MPDZ: variants seen among roughly 807,000 people sequenced by gnomAD.
The protein encoded by MPDZ is multiple PDZ domain protein.
MPDZ carries 234 observed loss-of-function variants against 239.1 expected under a neutral mutation model. That is an observed-to-expected ratio of 0.98 (90% CI 0.88 to 1.09). The LOEUF is 1.09. MPDZ is among the 50% of genes least tolerant of loss of function. The probability of loss-of-function intolerance (pLI) is 0.00; values close to 1 mark genes in which losing one functional copy is unlikely to be tolerated. For synonymous variants in MPDZ, 1,048 were observed against 881.3 expected, an observed-to-expected ratio of 1.19 and a Z score of -3.35; for missense variants, 3,175 against 2,510.0, an observed-to-expected ratio of 1.26 and a Z score of -5.66.
intron 12 of MPDZ, among the ~76,000 whole-genome samples, chr9:13,200,373 C>T (rs1956235723): frequency 6.6e-6 from 1 of 151,868 alleles, no homozygotes; most frequent in Non-Finnish European, 1.5e-5. Context: ...TTTCATTTAC[C>T]TTTACAAAAC....
chr9:13,123,296 TATCTA>T lies in MPDZ; in HGVS notation c.4808-3_4809del. 6.2e-7 allele frequency: 1 copy of T among 1,601,158 alleles called. No homozygotes were observed. Among genetic ancestry groups the T allele is most frequent in the South Asian group, 1.1e-5 (1 of 88,954 alleles). On this transcript the variant is annotated splice_acceptor_variant and splice_polypyrimidine_tract_variant and coding_sequence_variant and intron_variant, in exon 36 of 47. Coordinates refer to ENST00000319217, the MANE Select transcript of MPDZ (RefSeq NM_001378778.1). LOFTEE classifies it high-confidence loss of function. The stretch of plus-strand genomic sequence containing the variant: ...ATTGCTGGTGTTGATGATCTGCTTG[TATCTA>T]AAAATAAGTTAAAAATGAAATACAA...
intron 18 of MPDZ, among the ~76,000 whole-genome samples, chr9:13,184,981 T>C (rs1953896382): frequency 6.6e-6 from 1 of 152,136 alleles, no homozygotes; most frequent in South Asian, 2.1e-4. Context: ...GGAAGCCATG[T>C]AAAGGCTAGA....
intron 10 of MPDZ, among the ~76,000 whole-genome samples, chr9:13,213,856 G>T (rs530203653): frequency 1.3e-5 from 2 of 152,106 alleles, no homozygotes; most frequent in African/African-American, 4.8e-5. Flanking sequence ...CTCTTTCAAT[G>T]ATAGCCCTCA....
chr9:13,157,995 C>G (rs1032107555), intron 24 of MPDZ, 23 bp downstream of exon 24: 1 of 1,596,672 alleles, frequency 6.3e-7, no homozygotes, highest in Non-Finnish European at 8.6e-7. Context: ...ATTGGGTGGA[C>G]AGAAGACAGA....
intron 26 of MPDZ, among the ~76,000 whole-genome samples, chr9:13,146,778 A>C (rs898145992): frequency 2.6e-5 from 4 of 152,084 alleles, no homozygotes; most frequent in Non-Finnish European, 4.4e-5. Context: ...ATAAAGAAGG[A>C]GTTGAAAAAA....
At chr9:13,241,465 C>T (rs1965390538) in intron 3 of MPDZ, among the ~76,000 whole-genome samples, 1 of 152,192 alleles carries the variant, frequency 6.6e-6, no homozygotes, top group Admixed American at 6.5e-5. Context: ...CAAGTCATAA[C>T]TTAACCTAGA....
intron 1 of MPDZ, among the ~76,000 whole-genome samples, chr9:13,259,214 A>G (rs1377371984): frequency 2.7e-5 from 4 of 149,972 alleles, no homozygotes; most frequent in African/African-American, 9.8e-5. Context: ...TGGATACATT[A>G]GGCTTCCTAA....
At chr9:13,214,444 G>C (rs1191738403) in intron 10 of MPDZ, among the ~76,000 whole-genome samples, 1 of 151,834 alleles carries the variant, frequency 6.6e-6, no homozygotes, top group Non-Finnish European at 1.5e-5. Context: ...GACTGCTAAG[G>C]GGTACTGAAA....
chr9:13,128,338 C>A (rs953566052), intron 32 of MPDZ, among the ~76,000 whole-genome samples: 2 of 152,206 alleles, frequency 1.3e-5, no homozygotes, highest in Non-Finnish European at 2.9e-5. Context: ...CTGCAAGATG[C>A]CAGCTGCCAT....
intron 26 of MPDZ, 40 bp from the exon 27 acceptor site, chr9:13,143,604 G>A: frequency 6.6e-7 from 1 of 1,526,050 alleles, no homozygotes; most frequent in Non-Finnish European, 9.1e-7. Context: ...CAAAGGAAAT[G>A]TATTGAAAAC....
chr9:13,270,202 T>G (rs1731428138), intron 1 of MPDZ, among the ~76,000 whole-genome samples: 1 of 152,212 alleles, frequency 6.6e-6, no homozygotes, highest in Admixed American at 6.5e-5. Context: ...CAAACCAACT[T>G]TTACTTTCGT....
chr9:13,110,821 TC>T, intron 43 of MPDZ, 81 bp from the exon 44 acceptor site: 1 of 891,162 alleles, frequency 1.1e-6, no homozygotes, highest in Non-Finnish European at 1.7e-6. Flanking sequence ...TTCATTTCCT[TC>T]TCCACCTTCC....
intron 10 of MPDZ, among the ~76,000 whole-genome samples, chr9:13,208,488 T>A (rs1240115403): frequency 4.0e-5 from 6 of 151,532 alleles, no homozygotes; most frequent in Admixed American, 3.9e-4. Flanking sequence ...CTAGATCAGT[T>A]GTCTCCAAGA....
intron 3 of MPDZ, among the ~76,000 whole-genome samples, 151 bp from the exon 4 acceptor site, chr9:13,224,734 G>GAT (rs1452016458): frequency 1.3e-5 from 2 of 151,992 alleles, no homozygotes; most frequent in African/African-American, 4.8e-5. Flanking sequence ...TTATTTCAAG[G>GAT]ATGAACATTA....
intron 19 of MPDZ, among the ~76,000 whole-genome samples, chr9:13,178,674 T>C (rs1472368097): frequency 2.0e-5 from 3 of 152,186 alleles, no homozygotes; most frequent in African/African-American, 7.2e-5. Flanking sequence ...TAATAGGCAT[T>C]TACAGGTATT....
intron 18 of MPDZ, 106 bp downstream of exon 18, chr9:13,186,164 A>G (rs1267965708): frequency 3.8e-5 from 20 of 527,720 alleles, no homozygotes; most frequent in South Asian, 2.5e-4. Context: ...CTTTCCAAAT[A>G]TAATAATGAA....
chr9:13,260,781 T>A (rs998392084), intron 1 of MPDZ, among the ~76,000 whole-genome samples: 1 of 152,094 alleles, frequency 6.6e-6, no homozygotes, highest in Non-Finnish European at 1.5e-5. Flanking sequence ...AAAACCCTCA[T>A]CAGAAGCAGA....
rs1484175105 is a variant in MPDZ at position 13,126,606 on chromosome 9, G to T, written c.4558-16C>A. 6.2e-7 allele frequency: 1 copy of T among 1,610,006 alleles called. No individual in the cohort carries two copies. Among genetic ancestry groups the T allele is most frequent in the East Asian group, 2.2e-5 (1 of 44,770 alleles). On this transcript the variant is annotated splice_polypyrimidine_tract_variant and intron_variant, in intron 33 of 46. Transcript: ENST00000319217. ...GTCGTCCATCCTAAATGGAAACGTA[G>T]AAGAATTTGAGTGATATTCCAAAAG...
intron 20 of MPDZ, 68 bp from the exon 21 acceptor site, chr9:13,175,943 A>C: frequency 9.9e-6 from 15 of 1,515,940 alleles, no homozygotes; most frequent in Non-Finnish European, 1.3e-5. Context: ...CGTGATTTCA[A>C]CATCACGCAT....
Sources: gnomAD v4.1 joint callset for allele counts (sites outside exome capture counted in the v4.1 genomes callset) on GRCh38, gnomAD v4.1.1 for gene constraint, MANE v1.5 for transcripts, NCBI Gene and HGNC (gene_info 2026-07-23, HGNC 2026-07-21) for gene names.